The following RGS6 variants were observed in gnomAD, a reference collection of about 807,000 sequenced individuals.
The protein encoded by RGS6 is regulator of G-protein signaling 6.
A neutral mutation model predicts 78.5 loss-of-function variants in RGS6; 30 were observed. That is an observed-to-expected ratio of 0.38 (90% CI 0.29 to 0.52). RGS6 has a LOEUF of 0.52. Ranked by LOEUF, RGS6 falls within the 20% of genes least tolerant of loss-of-function variation. The probability of loss-of-function intolerance (pLI) is 0.85; values close to 1 mark genes in which losing one functional copy is unlikely to be tolerated. For missense variants in RGS6, 495 were observed against 609.7 expected, an observed-to-expected ratio of 0.81 and a Z score of 1.98; for synonymous variants, 206 against 206.0, an observed-to-expected ratio of 1.00 and a Z score of 0.00.
intron 2 of RGS6, among the ~76,000 whole-genome samples, chr14:72,241,642 T>C (rs562441781): frequency 1.4e-4 from 21 of 152,386 alleles, no homozygotes; most frequent in Non-Finnish European, 2.5e-4. Context: ...TTCTTTATTA[T>C]TGGACATTTA....
At chr14:72,116,960 T>C (rs1267228197) in intron 2 of RGS6, among the ~76,000 whole-genome samples, 4 of 70,404 alleles carry the variant, frequency 5.7e-5, no homozygotes, top group Non-Finnish European at 1.0e-4. Flanking sequence ...CGAGACTCCA[T>C]CTCAAAAAAA....
intron 2 of RGS6, among the ~76,000 whole-genome samples, chr14:72,069,296 T>A (rs2094312727): frequency 6.6e-6 from 1 of 152,108 alleles, no homozygotes; most frequent in Non-Finnish European, 1.5e-5. Context: ...GTTGATATTT[T>A]TTTTCTCATC....
chr14:72,224,149 T>C (rs2153797792), intron 2 of RGS6, among the ~76,000 whole-genome samples: 1 of 152,340 alleles, frequency 6.6e-6, no homozygotes, highest in East Asian at 1.9e-4. Context: ...CTTGGCAAAG[T>C]GTCTTACTCC....
At chr14:72,487,394 G>A (rs2153389752) in intron 12 of RGS6, among the ~76,000 whole-genome samples, 1 of 152,348 alleles carries the variant, frequency 6.6e-6, no homozygotes, top group East Asian at 1.9e-4. Context: ...TCTCAAAGAT[G>A]TCCATGTTCT....
the RGS6 span, among the ~76,000 whole-genome samples, chr14:71,914,047 G>A: frequency 2.6e-5 from 4 of 152,278 alleles, no homozygotes; most frequent in Non-Finnish European, 5.9e-5. Context: ...AGTTTATTAC[G>A]TGATCACAGG....
At chr14:72,087,736 A>G (rs17768636) in intron 2 of RGS6, among the ~76,000 whole-genome samples, 24,119 of 152,018 alleles carry the variant, frequency 0.16, 2,085 homozygotes, top group Non-Finnish European at 0.18. Context: ...TTTGGACTAA[A>G]TCATGGATTC....
intron 10 of RGS6, among the ~76,000 whole-genome samples, chr14:72,475,459 G>A (rs916961770): frequency 1.3e-5 from 2 of 152,050 alleles, no homozygotes; most frequent in African/African-American, 4.8e-5. Context: ...GGCCAGGTAC[G>A]GTGGCTCACA....
intron 2 of RGS6, among the ~76,000 whole-genome samples, chr14:72,016,707 AT>A (rs2087077611): frequency 6.6e-6 from 1 of 152,084 alleles, no homozygotes; most frequent in South Asian, 2.1e-4. Context: ...GCTCTACCCT[AT>A]TTTAATTACC....
intron 2 of RGS6, among the ~76,000 whole-genome samples, chr14:71,981,708 T>G (rs1432492137): frequency 1.3e-5 from 2 of 151,552 alleles, no homozygotes; most frequent in African/African-American, 4.9e-5. Context: ...ACAGGGACAT[T>G]TAAGTCTGCA....
chr14:72,540,317 C>T (rs1284820997), intron 17 of RGS6: 2 of 1,476,958 alleles, frequency 1.4e-6, no homozygotes, highest in Non-Finnish European at 1.8e-6. Context: ...GCAGAAGGTG[C>T]ACCCTTGATC....
chr14:72,260,006 T>C (rs1482031106), intron 2 of RGS6, among the ~76,000 whole-genome samples: 1 of 152,064 alleles, frequency 6.6e-6, no homozygotes, highest in Non-Finnish European at 1.5e-5. Flanking sequence ...GCAAGTAGTT[T>C]ACCCAGAGTA....
chr14:72,338,340 A>AAC (rs1432276374), intron 2 of RGS6, among the ~76,000 whole-genome samples: 1 of 152,222 alleles, frequency 6.6e-6, no homozygotes, highest in Non-Finnish European at 1.5e-5. Context: ...GGTGGCAGGC[A>AAC]AGAGAAAATG....
intron 2 of RGS6, among the ~76,000 whole-genome samples, chr14:71,982,022 G>A (rs1292614057): frequency 1.3e-5 from 2 of 151,810 alleles, no homozygotes; most frequent in Admixed American, 6.6e-5. Flanking sequence ...GAAAAGCGCA[G>A]TATTCGGGTG....
intron 17 of RGS6, chr14:72,540,720 A>C: frequency 7.5e-7 from 1 of 1,333,944 alleles, no homozygotes; most frequent in Non-Finnish European, 9.9e-7. Context: ...AGAGGAGGGA[A>C]GTAGCTGAAT....
chr14:72,161,297 A>G (rs1003047746), intron 2 of RGS6, among the ~76,000 whole-genome samples: 2 of 152,172 alleles, frequency 1.3e-5, no homozygotes, highest in African/African-American at 4.8e-5. Flanking sequence ...TGACGGGTTG[A>G]TGGGTGCACC....
intron 3 of RGS6, among the ~76,000 whole-genome samples, chr14:72,383,881 T>C (rs905707526): frequency 1.3e-5 from 2 of 152,212 alleles, no homozygotes; most frequent in Non-Finnish European, 2.9e-5. Flanking sequence ...CACTATGCAA[T>C]TCTAAACAGT....
chr14:72,101,591 C>G (rs186223905), intron 2 of RGS6, among the ~76,000 whole-genome samples: 35 of 152,304 alleles, frequency 2.3e-4, no homozygotes, highest in Non-Finnish European at 5.0e-4. Flanking sequence ...TCTCATGTTT[C>G]TTCAAGGCAG....
chr14:72,282,972 C>G (rs2061842389), intron 2 of RGS6, among the ~76,000 whole-genome samples: 1 of 152,134 alleles, frequency 6.6e-6, no homozygotes, highest in African/African-American at 2.4e-5. Context: ...ATTCTACTCT[C>G]TGCTTCTATG....
chr14:72,366,581 C>CT (rs1220621583), intron 3 of RGS6, among the ~76,000 whole-genome samples: 1 of 152,196 alleles, frequency 6.6e-6, no homozygotes, highest in African/African-American at 2.4e-5. Context: ...TACAAACCAT[C>CT]TCATCTTCCA....
Sources: gnomAD v4.1 joint callset for allele counts (sites outside exome capture counted in the v4.1 genomes callset) on GRCh38, gnomAD v4.1.1 for gene constraint, MANE v1.5 for transcripts, NCBI Gene and HGNC (gene_info 2026-07-23, HGNC 2026-07-21) for gene names.